The following CCDC3 variants were observed in gnomAD, a reference collection of about 807,000 sequenced individuals.
The protein encoded by CCDC3 is coiled-coil domain containing 3, also known as coiled-coil domain-containing protein 3.
A neutral mutation model predicts 21.4 loss-of-function variants in CCDC3; 24 were observed. The observed-to-expected ratio is 1.12, with a 90% CI of 0.81 to 1.58. The LOEUF is 1.58. Ranked by LOEUF, CCDC3 falls within the 40% of genes most tolerant of loss-of-function variation. The pLI is 0.00. For synonymous variants in CCDC3, 186 were observed against 166.0 expected (o/e 1.12, Z -0.93); for missense variants, 425 against 360.9 (o/e 1.18, Z -1.44).
At chr10:13,072,401 G>A (rs751628479) in intron 4 of CCDC3, among the ~76,000 whole-genome samples, 2 of 152,194 alleles carry the variant, frequency 1.3e-5, no homozygotes, top group African/African-American at 4.8e-5. Context: ...TTCTTTAGAG[G>A]GGGGAATAAG....
chr10:12,966,515 C>T (rs1835265204), intron 2 of CCDC3, among the ~76,000 whole-genome samples: 1 of 152,178 alleles, frequency 6.6e-6, no homozygotes, highest in Admixed American at 6.5e-5. Context: ...TAGCTCTCCC[C>T]TTTTCCTCTT....
intron 5 of CCDC3, among the ~76,000 whole-genome samples, chr10:13,033,551 G>C (rs1310028400): frequency 6.6e-6 from 1 of 152,218 alleles, no homozygotes; most frequent in African/African-American, 2.4e-5. Context: ...AGAGTGAACA[G>C]GCAACCTACA....
intron 5 of CCDC3, among the ~76,000 whole-genome samples, chr10:13,031,964 A>T (rs1836310141): frequency 6.6e-6 from 1 of 152,224 alleles, no homozygotes; most frequent in African/African-American, 2.4e-5. Flanking sequence ...CAATAGAAAA[A>T]GAGGGAATCT....
At chr10:13,061,338 A>G (rs774080090) in intron 4 of CCDC3, among the ~76,000 whole-genome samples, 3 of 152,132 alleles carry the variant, frequency 2.0e-5, no homozygotes, top group Non-Finnish European at 2.9e-5. Flanking sequence ...TCTGTAAAAC[A>G]CTGGTTCATC....
At chr10:12,979,909 C>T (rs1453268627) in intron 2 of CCDC3, among the ~76,000 whole-genome samples, 1 of 152,070 alleles carries the variant, frequency 6.6e-6, no homozygotes, top group Non-Finnish European at 1.5e-5. Flanking sequence ...CTTTTGAAGC[C>T]CCATGCTAGT....
chr10:12,901,700 C>T (rs968772998), intron 2 of CCDC3, among the ~76,000 whole-genome samples: 1 of 152,200 alleles, frequency 6.6e-6, no homozygotes, highest in African/African-American at 2.4e-5. Context: ...CCCTCGTGCA[C>T]AGTAAACGTT....
intron 5 of CCDC3, among the ~76,000 whole-genome samples, chr10:13,033,544 G>C (rs1056448594): frequency 6.6e-6 from 1 of 152,130 alleles, no homozygotes; most frequent in African/African-American, 2.4e-5. Flanking sequence ...TACCATCAGA[G>C]TGAACAGGCA....
chr10:13,043,236 G>A (rs1836484894), intron 5 of CCDC3, among the ~76,000 whole-genome samples: 1 of 152,082 alleles, frequency 6.6e-6, no homozygotes, highest in African/African-American at 2.4e-5. Context: ...TGACCCAGGA[G>A]CCCCCAGTGT....
chr10:13,060,185 T>A (rs1166556507), intron 4 of CCDC3, among the ~76,000 whole-genome samples: 1 of 152,066 alleles, frequency 6.6e-6, no homozygotes. Context: ...AATCTCATAG[T>A]GAGAAAATGC....
At chr10:12,948,371 A>G (rs903849901) in intron 2 of CCDC3, among the ~76,000 whole-genome samples, 1 of 152,014 alleles carries the variant, frequency 6.6e-6, no homozygotes, top group Non-Finnish European at 1.5e-5. Flanking sequence ...CATATACTAA[A>G]CTGACTCAGG....
chr10:12,899,727 G>A (rs1834064250), intron 2 of CCDC3, among the ~76,000 whole-genome samples: 1 of 152,150 alleles, frequency 6.6e-6, no homozygotes, highest in Non-Finnish European at 1.5e-5. Context: ...TGCGAAATAC[G>A]GTACCCATCT....
intron 2 of CCDC3, among the ~76,000 whole-genome samples, chr10:12,919,884 AAG>A (rs1834421249): frequency 6.6e-6 from 1 of 152,170 alleles, no homozygotes; most frequent in Non-Finnish European, 1.5e-5. Flanking sequence ...ATGCTCAGGA[AAG>A]AGAGAGGGAG....
chr10:12,956,796 A>G (rs755883096), intron 2 of CCDC3, among the ~76,000 whole-genome samples: 2 of 152,050 alleles, frequency 1.3e-5, no homozygotes, highest in Admixed American at 6.5e-5. Context: ...ACTCACACAC[A>G]AGAGACCTGA....
At chr10:13,031,146 T>C (rs1836295066) in intron 5 of CCDC3, among the ~76,000 whole-genome samples, 1 of 152,156 alleles carries the variant, frequency 6.6e-6, no homozygotes, top group Non-Finnish European at 1.5e-5. Flanking sequence ...ACAAACTGTC[T>C]CTCAGACCAC....
In CCDC3 at chr10:13,026,650, C is replaced by A. The variant is rs949970001; in HGVS notation, c.-2+23024G>T. 2.6e-5 allele frequency among the ~76,000 whole-genome samples: 4 copies of A among 152,330 alleles called. No homozygotes were observed. The East Asian group carries it at 5.8e-4, about 22-fold the overall frequency. On this transcript the variant is annotated intron_variant, in intron 5 of 6. Transcript: ENST00000378839. ...TTTAGGAAACACTCCACATTCTCAA[C>A]TAATCCTTGATGAAACTACAGGTAA...
At chr10:12,973,488 TCC>T (rs2131266342) in intron 2 of CCDC3, among the ~76,000 whole-genome samples, 1 of 152,302 alleles carries the variant, frequency 6.6e-6, no homozygotes, top group Admixed American at 6.5e-5. Flanking sequence ...ATGCCACTGG[TCC>T]TTGCCGGTCT....
intron 3 of CCDC3, among the ~76,000 whole-genome samples, chr10:13,087,328 C>T (rs2131452084): frequency 6.6e-6 from 1 of 151,330 alleles, no homozygotes; most frequent in East Asian, 1.9e-4. Context: ...TGCTTGAACC[C>T]AGGAGGTAGA....
intron 5 of CCDC3, among the ~76,000 whole-genome samples, chr10:13,023,072 GTTTTTTTTTGCACAC>G (rs1836167682): frequency 2.4e-5 from 2 of 84,486 alleles, no homozygotes; most frequent in Non-Finnish European, 2.7e-5. Flanking sequence ...CTTGAGTTGT[GTTTTTTTTTGCACAC>G]TTTTTTTTTG....
intron 2 of CCDC3, among the ~76,000 whole-genome samples, chr10:12,969,367 T>C (rs960492397): frequency 2.6e-5 from 4 of 152,130 alleles, no homozygotes; most frequent in African/African-American, 9.7e-5. Context: ...TGTAAATTAG[T>C]ACACCACTAT....
Sources: allele counts gnomAD v4.1 joint callset (sites outside exome capture counted in the v4.1 genomes callset), GRCh38; gene constraint gnomAD v4.1.1; transcripts MANE v1.5; gene names NCBI Gene and HGNC (gene_info 2026-07-23, HGNC 2026-07-21).